Variants in LHPP observed in about 807,000 individuals in gnomAD.
LHPP encodes the protein phospholysine phosphohistidine inorganic pyrophosphate phosphatase.
In LHPP, 24 loss-of-function variants were observed where a neutral mutation model predicts 30.3. The observed-to-expected ratio is 0.79, with a 90% CI of 0.57 to 1.11. The LOEUF is 1.11. Ranked by LOEUF, LHPP falls within the 50% of genes most tolerant of loss-of-function variation. LHPP has a pLI of 0.00. For missense variants in LHPP, 356 were observed against 367.2 expected (o/e 0.97, Z 0.25); for synonymous variants, 150 against 157.1 (o/e 0.95, Z 0.34).
intron 6 of LHPP, among the ~76,000 whole-genome samples, chr10:124,549,450 A>AC (rs1955426705): frequency 6.6e-6 from 1 of 152,192 alleles, no homozygotes; most frequent in Admixed American, 6.5e-5. Context: ...AAAAAAAAAA[A>AC]AGATTTGGCC....
rs1378187661 is a variant in LHPP, at chr10:124,471,580, AT to A, written c.125+9596del. Among the ~76,000 whole-genome samples, 41 of 65,352 alleles carry A rather than the reference AT, an allele frequency of 6.3e-4. 2 individuals are homozygous for A. The highest frequency in any genetic ancestry group is 2.3e-3 in the African/African-American group (40 of 17,090). 42.9% of individuals were successfully genotyped at this position (65,352 alleles called of 152,430 possible). On this transcript the variant is annotated intron_variant, in intron 1 of 6. Transcript: ENST00000368842. ...TTTATATATATATAAATTTTTTTAT[AT>A]TTATATATTTTTTATATATTTATAT...
intron 6 of LHPP, among the ~76,000 whole-genome samples, chr10:124,575,460 C>A (rs1032537624): frequency 3.9e-5 from 6 of 152,190 alleles, no homozygotes; most frequent in Non-Finnish European, 8.8e-5. Flanking sequence ...GGCAGAAGCA[C>A]CCGGTTCTCT....
intron 6 of LHPP, among the ~76,000 whole-genome samples, chr10:124,603,670 C>T (rs987759696): frequency 6.6e-6 from 1 of 152,232 alleles, no homozygotes; most frequent in Non-Finnish European, 1.5e-5. Flanking sequence ...AGCCTCCTCG[C>T]GGCCCTCGCC....
intron 1 of LHPP, among the ~76,000 whole-genome samples, chr10:124,468,391 C>T (rs1367465497): frequency 6.6e-6 from 1 of 152,194 alleles, no homozygotes; most frequent in Non-Finnish European, 1.5e-5. Flanking sequence ...CTGGGAGAGG[C>T]TAAAATCTCC....
intron 6 of LHPP, among the ~76,000 whole-genome samples, chr10:124,595,210 G>A (rs1044042992): frequency 5.9e-5 from 9 of 152,186 alleles, no homozygotes; most frequent in African/African-American, 1.9e-4. Context: ...GGTGAACACT[G>A]GAGAGGGATC....
intron 4 of LHPP, among the ~76,000 whole-genome samples, chr10:124,497,798 G>A (rs1464707163): frequency 1.3e-5 from 2 of 152,222 alleles, no homozygotes; most frequent in Admixed American, 1.3e-4. Flanking sequence ...GCCTTCTGCT[G>A]TGGGTAGGCC....
chr10:124,481,353 G>A (rs925083280), intron 1 of LHPP, among the ~76,000 whole-genome samples: 1 of 149,728 alleles, frequency 6.7e-6, no homozygotes, highest in Non-Finnish European at 1.5e-5. Flanking sequence ...GTGGGGAATC[G>A]TGCCTGGCTT....
intron 6 of LHPP, among the ~76,000 whole-genome samples, chr10:124,572,898 G>A (rs945239585): frequency 3.3e-5 from 5 of 152,198 alleles, no homozygotes; most frequent in Non-Finnish European, 7.3e-5. Flanking sequence ...TACTCTGTAC[G>A]TTGCTGGGAT....
chr10:124,605,031 C>G (rs776914856), intron 6 of LHPP, among the ~76,000 whole-genome samples: 143 of 152,254 alleles, frequency 9.4e-4, no homozygotes, highest in Non-Finnish European at 1.9e-3. Context: ...CGGTGCTGGC[C>G]TGCGTGTGCC....
intron 5 of LHPP, among the ~76,000 whole-genome samples, chr10:124,509,891 G>T (rs955885029): frequency 6.6e-6 from 1 of 152,158 alleles, no homozygotes; most frequent in Non-Finnish European, 1.5e-5. Flanking sequence ...GCTCTTTGGT[G>T]CTGGAATTTT....
intron 6 of LHPP, among the ~76,000 whole-genome samples, chr10:124,579,324 T>C (rs766216013): frequency 6.6e-6 from 1 of 152,240 alleles, no homozygotes; most frequent in Non-Finnish European, 1.5e-5. Context: ...GCCGTCCAGT[T>C]TCCCCTCAAC....
At chr10:124,572,528 G>A (rs113455837) in intron 6 of LHPP, among the ~76,000 whole-genome samples, 10,905 of 152,036 alleles carry the variant, frequency 0.072, 1,295 homozygotes, top group African/African-American at 0.25. Flanking sequence ...CTGCTCGGGA[G>A]GCTGAGGCAG....
At chr10:124,597,306 T>A (rs765229182) in intron 6 of LHPP, among the ~76,000 whole-genome samples, 34 of 152,202 alleles carry the variant, frequency 2.2e-4, no homozygotes, top group Non-Finnish European at 4.1e-4. Flanking sequence ...ATGAGTCTTT[T>A]CCCTCTGGGG....
chr10:124,517,387 T>C lies in LHPP; in HGVS notation c.716+116T>C. ...TCTTTCCAAATCAAAGAGCAGTATG[T>C]GGGCATTCACTATCTTGTATGTAAT... On this transcript the variant is annotated intron_variant, in intron 6 of 6. Coordinates refer to ENST00000368842, the MANE Select transcript of LHPP (RefSeq NM_022126.4). This position sits in a 1 kb window ranked among gnomAD's most constrained non-coding sequence, Gnocchi z 4.1. 1.5e-6 allele frequency: 1 copy of C among 661,888 alleles called. No homozygotes were observed. Among genetic ancestry groups the C allele is most frequent in the African/African-American group, 1.8e-5 (1 of 54,348 alleles). The allele number at this position is 661,888 out of a possible 1,614,324, so 41.0% of individuals were successfully genotyped here. A position where few individuals can be genotyped will look rare whatever the true frequency, so the allele number is the denominator to read the frequency against.
chr10:124,557,671 C>T (rs758837813), intron 6 of LHPP, among the ~76,000 whole-genome samples: 21 of 152,092 alleles, frequency 1.4e-4, no homozygotes, highest in Non-Finnish European at 2.2e-4. Context: ...TGAAGCCTCC[C>T]ATGACTTTGT....
intron 1 of LHPP, among the ~76,000 whole-genome samples, chr10:124,480,950 T>G (rs1953106009): frequency 6.6e-6 from 1 of 152,174 alleles, no homozygotes; most frequent in Admixed American, 6.5e-5. Flanking sequence ...CCTGTCTGTT[T>G]CTGTTGGGGG....
chr10:124,471,548 A>C (rs1486024353), intron 1 of LHPP, among the ~76,000 whole-genome samples: 2 of 42,766 alleles, frequency 4.7e-5, no homozygotes, highest in African/African-American at 1.6e-4. Flanking sequence ...TATATATTTT[A>C]TATATATTTA....
At chr10:124,609,954 TGTGCCTTTGGTGAAC>T (rs911368948) in intron 6 of LHPP, among the ~76,000 whole-genome samples, 3 of 152,236 alleles carry the variant, frequency 2.0e-5, no homozygotes, top group African/African-American at 4.8e-5. Flanking sequence ...TGTGGAGCAG[TGTGCCTTTGGTGAAC>T]GTGCCTTTGG....
intron 1 of LHPP, among the ~76,000 whole-genome samples, chr10:124,470,345 C>T (rs1423629653): frequency 6.6e-6 from 1 of 151,958 alleles, no homozygotes. Context: ...AAGACTTGGC[C>T]CAGGGCAGCC....
Sources: gnomAD v4.1 joint callset for allele counts (sites outside exome capture counted in the v4.1 genomes callset) on GRCh38, gnomAD v4.1.1 for gene constraint, Gnocchi (gnomAD v3.1) non-coding constraint, MANE v1.5 for transcripts, NCBI Gene and HGNC (gene_info 2026-07-23, HGNC 2026-07-21) for gene names.